Variants in TAFA5 observed in about 807,000 individuals in gnomAD.
TAFA5 encodes the protein chemokine-like protein TAFA-5.
In TAFA5, 6 loss-of-function variants were observed where a neutral mutation model predicts 15.3. That is an observed-to-expected ratio of 0.39 (90% CI 0.21 to 0.77). TAFA5 has a LOEUF of 0.77. Among genes scored for constraint, TAFA5 ranks in the 30% least tolerant of loss-of-function variants. TAFA5 has a pLI of 0.41. For synonymous variants in TAFA5, 103 were observed against 80.7 expected, an observed-to-expected ratio of 1.28 and a Z score of -1.48; for missense variants, 161 against 193.1, an observed-to-expected ratio of 0.83 and a Z score of 0.98.
intron 1 of TAFA5, among the ~76,000 whole-genome samples, chr22:48,553,121 C>G (rs980215073): frequency 3.4e-4 from 51 of 152,184 alleles, no homozygotes; most frequent in Non-Finnish European, 6.3e-4. Flanking sequence ...AGCTTCCTCT[C>G]TAGACATCCT....
intron 1 of TAFA5, among the ~76,000 whole-genome samples, chr22:48,583,856 C>A (rs1240147360): frequency 1.5e-5 from 2 of 133,782 alleles, no homozygotes; most frequent in African/African-American, 5.0e-5. Flanking sequence ...ACAAAAAATA[C>A]ACCACACACA....
intron 1 of TAFA5, among the ~76,000 whole-genome samples, chr22:48,508,304 G>A (rs1291277975): frequency 6.6e-6 from 1 of 152,206 alleles, no homozygotes; most frequent in African/African-American, 2.4e-5. Flanking sequence ...GAGTAGGCGG[G>A]GGTGCAGCCA....
chr22:48,639,943 C>T (rs115033550), intron 1 of TAFA5, among the ~76,000 whole-genome samples: 1 of 152,206 alleles, frequency 6.6e-6, no homozygotes. Context: ...ACCGCACCCC[C>T]CCAACCCCGC....
intron 3 of TAFA5, among the ~76,000 whole-genome samples, chr22:48,717,388 A>T (rs1472876501): frequency 6.6e-6 from 1 of 152,210 alleles, no homozygotes; most frequent in African/African-American, 2.4e-5. Flanking sequence ...GGAGCCCTGC[A>T]CGTACCTGTG....
chr22:48,519,519 AG>A (rs987415656), intron 1 of TAFA5, among the ~76,000 whole-genome samples: 39 of 151,742 alleles, frequency 2.6e-4, no homozygotes, highest in African/African-American at 8.5e-4. Context: ...TTTTATGTGA[AG>A]GGGGGGATGC....
intron 2 of TAFA5, among the ~76,000 whole-genome samples, chr22:48,698,309 C>G (rs940472440): frequency 8.6e-5 from 13 of 151,562 alleles, no homozygotes; most frequent in Non-Finnish European, 1.8e-4. Flanking sequence ...AACCCCATCT[C>G]TACTAAAAAT....
intron 1 of TAFA5, among the ~76,000 whole-genome samples, chr22:48,620,601 A>ATCCACCCCCCCACCATCC (rs1555893262): frequency 5.4e-4 from 9 of 16,814 alleles, no homozygotes; most frequent in Non-Finnish European, 7.7e-4. Flanking sequence ...CCACCCCCCT[A>ATCCACCCCCCCACCATCC]CCCATCCTAT....
chr22:48,701,515 C>T (rs1287337939), intron 2 of TAFA5, among the ~76,000 whole-genome samples: 1 of 152,174 alleles, frequency 6.6e-6, no homozygotes, highest in East Asian at 1.9e-4. Flanking sequence ...CCTCCCAGGC[C>T]TTTGTGTAGA....
intron 1 of TAFA5, among the ~76,000 whole-genome samples, chr22:48,583,422 C>T (rs371952841): frequency 1.4e-5 from 2 of 147,784 alleles, no homozygotes; most frequent in Admixed American, 6.7e-5. Flanking sequence ...ACGCCACACA[C>T]ACACCACACA....
intron 1 of TAFA5, among the ~76,000 whole-genome samples, chr22:48,642,607 G>A (rs1189511608): frequency 1.3e-5 from 2 of 152,172 alleles, no homozygotes; most frequent in East Asian, 3.9e-4. Context: ...AGGCCTCACA[G>A]TGGGCAGAGA....
intron 1 of TAFA5, among the ~76,000 whole-genome samples, chr22:48,573,958 G>C (rs943629091): frequency 6.6e-6 from 1 of 152,148 alleles, no homozygotes. Flanking sequence ...GAAGACCCCC[G>C]AGTCCTCTGA....
chr22:48,734,976 T>C (rs1460946451), intron 3 of TAFA5, among the ~76,000 whole-genome samples: 1 of 152,186 alleles, frequency 6.6e-6, no homozygotes, highest in Non-Finnish European at 1.5e-5. Context: ...TTGATCTGCA[T>C]GTGGCGTGAG....
intron 1 of TAFA5, among the ~76,000 whole-genome samples, chr22:48,622,241 T>C (rs1925864862): frequency 6.6e-6 from 1 of 152,046 alleles, no homozygotes; most frequent in Non-Finnish European, 1.5e-5. Context: ...CCAAAATATT[T>C]ATGTAGCCAC....
chr22:48,497,389 C>T (rs895351658), intron 1 of TAFA5, among the ~76,000 whole-genome samples: 17 of 152,116 alleles, frequency 1.1e-4, no homozygotes, highest in African/African-American at 3.9e-4. Context: ...ACTCGTAGAA[C>T]AGCTCTAGAA....
At chr22:48,537,685 G>C (rs1922217105) in intron 1 of TAFA5, among the ~76,000 whole-genome samples, 1 of 152,222 alleles carries the variant, frequency 6.6e-6, no homozygotes. Flanking sequence ...ACTGCAGCCA[G>C]GGTCCTGCAG....
chr22:48,608,524 G>A (rs917173258), intron 1 of TAFA5, among the ~76,000 whole-genome samples: 4 of 152,122 alleles, frequency 2.6e-5, no homozygotes, highest in Admixed American at 1.3e-4. Context: ...AGTCATCTTA[G>A]TGACAGCTAC....
intron 3 of TAFA5, among the ~76,000 whole-genome samples, chr22:48,747,754 C>T (rs1388108216): frequency 6.6e-6 from 1 of 151,894 alleles, no homozygotes; most frequent in African/African-American, 2.4e-5. Context: ...AAAATTAGCC[C>T]GGCATGGAGG....
chr22:48,506,514 A>G (rs945742551), intron 1 of TAFA5, among the ~76,000 whole-genome samples: 2 of 152,158 alleles, frequency 1.3e-5, no homozygotes, highest in Non-Finnish European at 2.9e-5. Flanking sequence ...TCTATCTGAG[A>G]CCACAGGGGT....
At chr22:48,563,208 C>G (rs1923297072) in intron 1 of TAFA5, among the ~76,000 whole-genome samples, 1 of 152,336 alleles carries the variant, frequency 6.6e-6, no homozygotes, top group African/African-American at 2.4e-5. Context: ...CCTCCAAGAG[C>G]CCTGCAGACA....
Sources: gnomAD v4.1 joint callset for allele counts (sites outside exome capture counted in the v4.1 genomes callset) on GRCh38, gnomAD v4.1.1 for gene constraint, MANE v1.5 for transcripts, NCBI Gene and HGNC (gene_info 2026-07-23, HGNC 2026-07-21) for gene names.